The following KIF21A variants were observed in gnomAD, a reference collection of about 807,000 sequenced individuals.
KIF21A encodes kinesin-like protein KIF21A.
In KIF21A, 114 loss-of-function variants were observed where a neutral mutation model predicts 202.9. The observed-to-expected ratio is 0.56, with a 90% CI of 0.48 to 0.66. KIF21A has a LOEUF of 0.66. Among genes scored for constraint, KIF21A ranks in the 30% least tolerant of loss-of-function variants. KIF21A has a pLI of 0.00. For synonymous variants in KIF21A, 667 were observed against 670.8 expected, an observed-to-expected ratio of 0.99 and a Z score of 0.09; for missense variants, 1,677 against 1,994.9, an observed-to-expected ratio of 0.84 and a Z score of 3.04.
intron 37 of KIF21A, among the ~76,000 whole-genome samples, chr12:39,300,630 T>C (rs749618518): frequency 1.1e-3 from 166 of 149,344 alleles, no homozygotes; most frequent in East Asian, 4.0e-4. Flanking sequence ...TACATTTTAT[T>C]TGAATGAGAC....
chr12:39,365,789 CG>C (rs556357556), intron 6 of KIF21A, among the ~76,000 whole-genome samples: 2 of 152,248 alleles, frequency 1.3e-5, no homozygotes, highest in East Asian at 3.9e-4. Context: ...GTGAGTGAAT[CG>C]CATGAGCCCA....
At chr12:39,322,500 T>A (rs1451884029) in intron 27 of KIF21A, 168 bp downstream of exon 27, 6 of 559,412 alleles carry the variant, frequency 1.1e-5, no homozygotes, top group East Asian at 3.0e-5. Flanking sequence ...TCTTAAATTA[T>A]TTCAACTCTC....
intron 1 of KIF21A, among the ~76,000 whole-genome samples, chr12:39,439,514 G>A (rs1013655324): frequency 2.0e-5 from 3 of 152,016 alleles, no homozygotes; most frequent in African/African-American, 4.8e-5. Flanking sequence ...TCACTACTTC[G>A]ATTTCAAAAC....
chr12:39,379,232 G>A (rs1002306512), intron 1 of KIF21A, among the ~76,000 whole-genome samples: 10 of 151,530 alleles, frequency 6.6e-5, no homozygotes, highest in South Asian at 4.2e-4. Flanking sequence ...CAGGACAATC[G>A]CTTGAGAATT....
chr12:39,397,436 ACCC>A (rs1191199362), intron 1 of KIF21A, among the ~76,000 whole-genome samples: 1 of 148,702 alleles, frequency 6.7e-6, no homozygotes, highest in Admixed American at 6.7e-5. Flanking sequence ...CATCCAAACC[ACCC>A]CCCATAGAGC....
intron 18 of KIF21A, 52 bp downstream of exon 18, chr12:39,333,160 T>C (rs547812079): frequency 6.2e-6 from 10 of 1,606,154 alleles, no homozygotes; most frequent in South Asian, 4.4e-5. Context: ...AAATACATCA[T>C]TTATCTCAAA....
chr12:39,303,969 ATACT>A (rs1277398244), intron 35 of KIF21A, among the ~76,000 whole-genome samples: 11 of 152,144 alleles, frequency 7.2e-5, no homozygotes, highest in Non-Finnish European at 1.2e-4. Flanking sequence ...AGGCTAAAGT[ATACT>A]TACTTATTTT....
intron 10 of KIF21A, among the ~76,000 whole-genome samples, chr12:39,355,900 T>C (rs1948744917): frequency 6.6e-6 from 1 of 151,756 alleles, no homozygotes; most frequent in Non-Finnish European, 1.5e-5. Flanking sequence ...ACAGTGGAGA[T>C]AGTACTTGCC....
In KIF21A at chr12:39,442,892, C is replaced by A. The variant is rs1939854917; in HGVS notation, c.44+35G>T. 2.6e-6 allele frequency: 4 copies of A among 1,522,846 alleles called. No individual in the cohort carries two copies. In the East Asian group the frequency reaches 1.0e-4, roughly 38 times the overall value. The allele number at this position is 1,522,846 out of a possible 1,614,324, so 94.3% of individuals were successfully genotyped here. On this transcript the variant is annotated intron_variant, in intron 1 of 37. Transcript: ENST00000361418. This position sits in a 1 kb window ranked among gnomAD's most constrained non-coding sequence, Gnocchi z 5.0. ...AGGTCCTTGCCGCGCCCTCAACCCG[C>A]CGCCCGCCGCCCGCCGCCGGCAGAC...
intron 33 of KIF21A, 117 bp downstream of exon 33, chr12:39,309,469 G>T: frequency 1.4e-6 from 1 of 709,414 alleles, no homozygotes. Context: ...TCTGGGAAGT[G>T]GACAGGTATA....
chr12:39,367,175 G>GTT lies in KIF21A; in HGVS notation c.601-12_601-11insAA, dbSNP rs1565994527. 6.2e-7 allele frequency: 1 copy of GTT among 1,613,696 alleles called. No individual in the cohort carries two copies. Reference sequence around the variant, plus strand: ...CAAACACTGCATCATCTGAAAAAGGGGAAGAAACAAGGACTTTACTTGAAC... The same window carrying GTT: ...CAAACACTGCATCATCTGAAAAAGGGTTGAAGAAACAAGGACTTTACTTGAAC... On this transcript the variant is annotated splice_polypyrimidine_tract_variant and intron_variant, in intron 4 of 37. Coordinates refer to ENST00000361418, the MANE Select transcript of KIF21A (RefSeq NM_001173464.2).
chr12:39,397,713 T>G (rs1951864573), intron 1 of KIF21A, among the ~76,000 whole-genome samples: 1 of 152,186 alleles, frequency 6.6e-6, no homozygotes, highest in South Asian at 2.1e-4. Flanking sequence ...AGTAGGGCCC[T>G]GGGATCTATA....
rs11171771 is a variant in KIF21A at position 39,335,187 on chromosome 12, G to A, written c.2419-1907C>T. Among the ~76,000 whole-genome samples, 88 of 152,046 alleles carry A rather than the reference G, an allele frequency of 5.8e-4. 1 individual carries two copies. The highest frequency in any genetic ancestry group is 1.7e-3 in the African/African-American group (69 of 41,478). On this transcript the variant is annotated intron_variant, in intron 17 of 37. Transcript: ENST00000361418. ...CACCTTTGGGAGGCCGAGGCGGGGC[G>A]GATCACTTGAGGTCAGGAGTTTGAC...
At chr12:39,439,911 T>A (rs561210280) in intron 1 of KIF21A, among the ~76,000 whole-genome samples, 1 of 152,356 alleles carries the variant, frequency 6.6e-6, no homozygotes, top group South Asian at 2.1e-4. Context: ...AGCTTTAACA[T>A]ACTAATAAAC....
chr12:39,389,244 C>T (rs1430383710), intron 1 of KIF21A, among the ~76,000 whole-genome samples: 3 of 151,016 alleles, frequency 2.0e-5, no homozygotes, highest in African/African-American at 7.3e-5. Flanking sequence ...CTCCTGAAAG[C>T]CTAAGAACAA....
chr12:39,366,680 G>A (rs1318011213), intron 5 of KIF21A, among the ~76,000 whole-genome samples, 163 bp from the exon 6 acceptor site: 1 of 152,144 alleles, frequency 6.6e-6, no homozygotes, highest in Admixed American at 6.6e-5. Flanking sequence ...GAAATTTAAA[G>A]TCAGAAAAAG....
At chr12:39,389,853 AT>A (rs1265334296) in intron 1 of KIF21A, among the ~76,000 whole-genome samples, 2 of 152,160 alleles carry the variant, frequency 1.3e-5, no homozygotes, top group South Asian at 4.1e-4. Flanking sequence ...ATGACTACAT[AT>A]TTTGAAGATT....
chr12:39,367,084 A>G lies in KIF21A; in HGVS notation c.681T>C (p.His227=), dbSNP rs753495640. 2.5e-6 allele frequency: 4 copies of G among 1,613,620 alleles called. No homozygotes were observed. Among genetic ancestry groups the G allele is most frequent in the Admixed American group, 1.7e-5 (1 of 59,996 alleles). ...GACACACATGAATGGTAAAAATGGCATGTGAACGAGAGCTCTGAACATTCA... is the reference window on the plus strand; with the variant it reads ...GACACACATGAATGGTAAAAATGGCGTGTGAACGAGAGCTCTGAACATTCA... ...TQMNVQSSRS[H]AIFTIHVCQT... Residue 227 remains histidine (H), a synonymous_variant, in exon 5 of 38, where the codon CAT becomes CAC. Coordinates refer to ENST00000361418, the MANE Select transcript of KIF21A (RefSeq NM_001173464.2).
intron 1 of KIF21A, among the ~76,000 whole-genome samples, chr12:39,436,448 A>ATATATATATATATATATATTTTTT (rs1387332677): frequency 7.9e-4 from 76 of 95,694 alleles, no homozygotes; most frequent in Non-Finnish European, 1.0e-3. Flanking sequence ...ATATATATAT[A>ATATATATATATATATATATTTTTT]TTTTTTTTTT....
Sources: allele counts gnomAD v4.1 joint callset (sites outside exome capture counted in the v4.1 genomes callset), GRCh38; gene constraint gnomAD v4.1.1; non-coding constraint Gnocchi (gnomAD v3.1); transcripts MANE v1.5; gene names NCBI Gene and HGNC (gene_info 2026-07-23, HGNC 2026-07-21).